The following TMPRSS15 variants were observed in gnomAD, a reference collection of about 807,000 sequenced individuals.
TMPRSS15 encodes enteropeptidase.
TMPRSS15 carries 128 observed loss-of-function variants against 125.3 expected under a neutral mutation model. The observed-to-expected ratio is 1.02, with a 90% CI of 0.89 to 1.18. The LOEUF (loss-of-function observed/expected upper bound fraction) is 1.18. Ranked by LOEUF, TMPRSS15 falls within the 50% of genes most tolerant of loss-of-function variation. The pLI, the probability that TMPRSS15 is intolerant of heterozygous loss-of-function variation, is 0.00. For missense variants in TMPRSS15, 1,283 were observed against 1,212.7 expected, an observed-to-expected ratio of 1.06 and a Z score of -0.86; for synonymous variants, 446 against 423.2, an observed-to-expected ratio of 1.05 and a Z score of -0.66.
At chr21:18,318,036 T>C (rs2075192017) in intron 16 of TMPRSS15, among the ~76,000 whole-genome samples, 2 of 152,126 alleles carry the variant, frequency 1.3e-5, no homozygotes, top group South Asian at 2.1e-4. Context: ...AAAATATTAA[T>C]GAGACAGTGA....
chr21:18,441,769 C>T (rs1378916481), intron 1 of TMPRSS15, among the ~76,000 whole-genome samples: 11 of 151,288 alleles, frequency 7.3e-5, no homozygotes, highest in Non-Finnish European at 1.6e-4. Context: ...CGGCTCACTG[C>T]AACCTCTGGC....
chr21:18,366,207 A>C (rs563885248), intron 6 of TMPRSS15, among the ~76,000 whole-genome samples: 1 of 152,310 alleles, frequency 6.6e-6, no homozygotes, highest in East Asian at 1.9e-4. Context: ...TTTCAAATAT[A>C]TGTACAAAGT....
intron 1 of TMPRSS15, among the ~76,000 whole-genome samples, chr21:18,460,021 C>T (rs930407693): frequency 3.3e-5 from 5 of 152,014 alleles, no homozygotes; most frequent in Non-Finnish European, 7.4e-5. Context: ...ATATTTTATT[C>T]TGTGATGTTT....
intron 16 of TMPRSS15, among the ~76,000 whole-genome samples, chr21:18,324,670 T>G (rs1366476101): frequency 6.6e-6 from 1 of 152,118 alleles, no homozygotes; most frequent in East Asian, 1.9e-4. Context: ...ACATTTTGTG[T>G]TTTTCTGTCA....
In TMPRSS15 at chr21:18,315,159, A is replaced by G. The variant is rs2075148427; in HGVS notation, c.2019T>C (p.Asp673=). Residue 673 remains aspartate, a synonymous_variant, in exon 17 of 25, where the codon GAT becomes GAC. Coordinates refer to ENST00000284885, the MANE Select transcript of TMPRSS15 (RefSeq NM_002772.3). ...AATAAGACATACCACAATCTGCTTC[A>G]TCTGAGCCATCCTCACAGTGCAGAT... The part of the protein sequence containing the change: ...DGHLHCEDGS[D]EADCVRFFNG... 1 of 1,613,220 alleles carries G rather than the reference A, an allele frequency of 6.2e-7. No individual in the cohort carries two copies. The highest frequency in any genetic ancestry group is 8.5e-7 in the Non-Finnish European group (1 of 1,179,642).
At chr21:18,456,413 C>G (rs565844751) in intron 1 of TMPRSS15, among the ~76,000 whole-genome samples, 1 of 152,194 alleles carries the variant, frequency 6.6e-6, no homozygotes, top group South Asian at 2.1e-4. Flanking sequence ...ATTTATAATT[C>G]ATGTTAATTA....
At chr21:18,396,591 G>A (rs2076039410) in intron 3 of TMPRSS15, among the ~76,000 whole-genome samples, 2 of 151,910 alleles carry the variant, frequency 1.3e-5, no homozygotes, top group South Asian at 2.1e-4. Flanking sequence ...TGGCTAACAT[G>A]GTGAAACAGC....
chr21:18,414,633 C>T (rs1185343585), intron 1 of TMPRSS15, among the ~76,000 whole-genome samples: 2 of 152,106 alleles, frequency 1.3e-5, no homozygotes, highest in African/African-American at 4.8e-5. Flanking sequence ...TGGCTTATTT[C>T]ACTTAGCATA....
intron 18 of TMPRSS15, among the ~76,000 whole-genome samples, chr21:18,305,003 A>G (rs1167328836): frequency 4.6e-5 from 7 of 152,062 alleles, no homozygotes; most frequent in Admixed American, 4.6e-4. Flanking sequence ...CCCCAGACTG[A>G]CAAAAGTACC....
At chr21:18,470,605 A>G (rs1468419989) in intron 1 of TMPRSS15, among the ~76,000 whole-genome samples, 1 of 152,102 alleles carries the variant, frequency 6.6e-6, no homozygotes, top group African/African-American at 2.4e-5. Flanking sequence ...AGGTCTGCCC[A>G]GAGATTTCAT....
chr21:18,321,481 T>C (rs980929451), intron 16 of TMPRSS15, among the ~76,000 whole-genome samples: 1 of 150,672 alleles, frequency 6.6e-6, no homozygotes, highest in Non-Finnish European at 1.5e-5. Flanking sequence ...GCCTTCCCAG[T>C]AGCTGGGACT....
At chr21:18,465,561 A>T (rs2122955589) in intron 1 of TMPRSS15, among the ~76,000 whole-genome samples, 6 of 152,228 alleles carry the variant, frequency 3.9e-5, no homozygotes, top group African/African-American at 1.4e-4. Context: ...ACTTCAGCAA[A>T]GTCTCAGGAT....
At chr21:18,314,204 T>A (rs1212025225) in intron 17 of TMPRSS15, among the ~76,000 whole-genome samples, 1 of 152,186 alleles carries the variant, frequency 6.6e-6, no homozygotes, top group Non-Finnish European at 1.5e-5. Context: ...GCTATGGCCC[T>A]TACTGGGTGT....
intron 21 of TMPRSS15, among the ~76,000 whole-genome samples, chr21:18,289,047 T>G: frequency 6.6e-6 from 1 of 152,162 alleles, no homozygotes; most frequent in East Asian, 1.9e-4. Context: ...ATTGAATTGA[T>G]ATATGTCCTG....
intron 21 of TMPRSS15, among the ~76,000 whole-genome samples, chr21:18,284,364 G>A (rs1420311143): frequency 1.3e-5 from 2 of 152,166 alleles, no homozygotes; most frequent in East Asian, 3.9e-4. Flanking sequence ...GCCACTTGAG[G>A]AAGTTTCTAA....
chr21:18,403,637 G>C lies in TMPRSS15; in HGVS notation c.-15C>G. On this transcript the variant is annotated 5_prime_UTR_variant, in exon 1 of 25. Transcript: ENST00000284885. Reference sequence around the variant, plus strand: ...TTCGACCCCATTTTTGGTTTTGAAGGCTTGCTAATTTAAGAACTGAAAGAG... The same window carrying C: ...TTCGACCCCATTTTTGGTTTTGAAGCCTTGCTAATTTAAGAACTGAAAGAG... 6.2e-7 allele frequency: 1 copy of C among 1,613,974 alleles called. No individual in the cohort carries two copies.
At chr21:18,373,881 T>C (rs2075815731) in intron 5 of TMPRSS15, among the ~76,000 whole-genome samples, 2 of 152,298 alleles carry the variant, frequency 1.3e-5, no homozygotes, top group Admixed American at 1.3e-4. Context: ...ATTTATTTTG[T>C]ACACATTTTT....
intron 1 of TMPRSS15, among the ~76,000 whole-genome samples, chr21:18,449,771 G>C (rs544560768): frequency 2.6e-5 from 4 of 151,756 alleles, no homozygotes; most frequent in Admixed American, 6.6e-5. Flanking sequence ...AGTCATCCTT[G>C]AATCACTCTC....
chr21:18,330,973 C>T (rs1016964283), intron 14 of TMPRSS15, among the ~76,000 whole-genome samples: 11 of 148,000 alleles, frequency 7.4e-5, no homozygotes, highest in African/African-American at 1.5e-4. Flanking sequence ...CTCGGGAGGC[C>T]AAGGCAGGAG....
Sources: gnomAD v4.1 joint callset for allele counts (sites outside exome capture counted in the v4.1 genomes callset) on GRCh38, gnomAD v4.1.1 for gene constraint, MANE v1.5 for transcripts, NCBI Gene and HGNC (gene_info 2026-07-23, HGNC 2026-07-21) for gene names.